The following DPP3 variants were observed in gnomAD, a reference collection of about 807,000 sequenced individuals.
The protein encoded by DPP3 is DPP III.
Under a neutral mutation model 89.8 loss-of-function variants are expected in DPP3, and 64 were observed. The ratio of observed to expected loss-of-function variants is 0.71; its 90% CI spans 0.58 to 0.88. The LOEUF is 0.88. DPP3 is among the 40% of genes least tolerant of loss of function. The pLI, the probability that DPP3 is intolerant of heterozygous loss-of-function variation, is 0.00. For missense variants in DPP3, 835 were observed against 972.5 expected (o/e 0.86, Z 1.88); for synonymous variants, 377 against 404.3 (o/e 0.93, Z 0.81).
At chr11:66,489,538 A>G (rs1855319762) in intron 6 of DPP3, among the ~76,000 whole-genome samples, 1 of 152,200 alleles carries the variant, frequency 6.6e-6, no homozygotes, top group Non-Finnish European at 1.5e-5. Flanking sequence ...TACAAGATGC[A>G]GTTTCGGGCA....
At position 66,492,742 on chromosome 11, in the gene DPP3, A is replaced by G. The variant is rs200660727; in HGVS notation, c.1015A>G (p.Met339Val). 3 of 1,608,392 alleles carry G rather than the reference A, an allele frequency of 1.9e-6. No homozygotes were observed. The highest frequency in any genetic ancestry group is 2.5e-6 in the Non-Finnish European group (3 of 1,177,550). The change falls in exon 10 of 18, where the codon ATG (methionine) becomes GTG (valine). Residue 339 changes from methionine to valine, a missense_variant. By Grantham distance (21) the Met-to-Val change is conservative. Coordinates refer to ENST00000531863, the MANE Select transcript of DPP3 (RefSeq NM_130443.4). ...TTTCGTAGCTGTGGTGAACAAGGCC[A>G]TGAGTGCCAAGTTTGAGCGGCTGGT... ...EGFVAVVNKA[M>V]SAKFERLVAS...
chr11:66,507,982 G>T (rs770419698), intron 17 of DPP3, among the ~76,000 whole-genome samples: 3 of 152,232 alleles, frequency 2.0e-5, no homozygotes, highest in Non-Finnish European at 4.4e-5. Context: ...CAGCCAGGTC[G>T]CTGTAAAAGC....
rs1179636889 is a variant in DPP3 at position 66,495,393 on chromosome 11, C to A, written c.1481C>A (p.Thr494Asn). The A allele has an allele frequency of 6.2e-7, 1 of 1,613,530 alleles. No homozygotes were observed. Among genetic ancestry groups the A allele is most frequent in the South Asian group, 1.1e-5 (1 of 91,044 alleles). Residue 494 changes from threonine to asparagine, a missense_variant, in exon 14 of 18, where the codon ACC becomes AAC. Coordinates refer to ENST00000531863, the MANE Select transcript of DPP3 (RefSeq NM_130443.4). ...CAGAGCTGGTATCGGAGCGGGGAGA[C>A]CTGGGATAGCAAGTTCAGCACCATC... is the stretch of plus-strand genomic sequence containing the variant. ...QIQSWYRSGE[T>N]WDSKFSTIAS...
intron 11 of DPP3, 43 bp from the exon 12 acceptor site, chr11:66,493,498 G>C: frequency 6.2e-7 from 1 of 1,600,904 alleles, no homozygotes; most frequent in Non-Finnish European, 8.5e-7. Context: ...TGTATAGCCA[G>C]GGCTGGCCAG....
chr11:66,508,285 A>G (rs1855853695), intron 17 of DPP3, among the ~76,000 whole-genome samples: 1 of 152,126 alleles, frequency 6.6e-6, no homozygotes, highest in African/African-American at 2.4e-5. Context: ...TAAATCAGTA[A>G]ACAGGTTCGG....
At chr11:66,490,061 C>A (rs1490917827) in intron 6 of DPP3, among the ~76,000 whole-genome samples, 1 of 151,056 alleles carries the variant, frequency 6.6e-6, no homozygotes, top group Non-Finnish European at 1.5e-5. Context: ...CACCTGTAAT[C>A]CCAGCTACTC....
At chr11:66,480,533 C>A in intron 1 of DPP3, 68 bp downstream of exon 1, 1 of 1,440,974 alleles carries the variant, frequency 6.9e-7, no homozygotes, top group Non-Finnish European at 9.1e-7. Flanking sequence ...CGAATCCATA[C>A]TGAGCGCAAA....
chr11:66,505,924 G>C (rs1325808843), intron 17 of DPP3, among the ~76,000 whole-genome samples: 1 of 151,646 alleles, frequency 6.6e-6, no homozygotes, highest in Non-Finnish European at 1.5e-5. Flanking sequence ...TATTTATTTG[G>C]TTTTTGGGTT....
intron 1 of DPP3, 138 bp downstream of exon 1, chr11:66,480,603 C>A (rs899801250): frequency 3.1e-5 from 31 of 1,016,002 alleles, no homozygotes; most frequent in Non-Finnish European, 3.9e-5. Flanking sequence ...CCCTCGAGGC[C>A]AAGGAGTGCT....
In DPP3 at chr11:66,485,271, A is replaced by C. The variant is rs2134719846; in HGVS notation, c.360+9A>C. On this transcript the variant is annotated intron_variant, in intron 3 of 17. Transcript: ENST00000531863. Reference sequence around the variant, plus strand: ...TTCCCAACTTGCCCAAGGTGAGCCAAGGGAGGGTTGGGGAAGGTGGGGATG... The same window carrying C: ...TTCCCAACTTGCCCAAGGTGAGCCACGGGAGGGTTGGGGAAGGTGGGGATG... 1 of 1,583,326 alleles carries C rather than the reference A, an allele frequency of 6.3e-7. No homozygotes were observed. The highest frequency in any genetic ancestry group is 8.6e-7 in the Non-Finnish European group (1 of 1,158,668).
At chr11:66,498,383 G>A (rs956839074) in intron 16 of DPP3, among the ~76,000 whole-genome samples, 11 of 152,026 alleles carry the variant, frequency 7.2e-5, no homozygotes, top group East Asian at 3.9e-4. Flanking sequence ...GTGAGCCACC[G>A]GGCCTGGCCT....
rs779406136 is a variant in DPP3, at chr11:66,493,196, G to A, written c.1296+17G>A. On this transcript the variant is annotated intron_variant, in intron 11 of 17. Transcript: ENST00000531863. ...GATGACAAGGTGGGCGCCAGCAGTC[G>A]GAGGGTCGGGGCTGGGCCTCACCTT... 5.6e-6 allele frequency: 9 copies of A among 1,606,922 alleles called. No homozygotes were observed. Among genetic ancestry groups the A allele is most frequent in the South Asian group, 1.1e-5 (1 of 90,414 alleles).
In DPP3 at chr11:66,507,103, C is replaced by G. The variant is rs1855820348; in HGVS notation, c.2042-1976C>G. Among the ~76,000 whole-genome samples, 3 of 151,970 alleles carry G rather than the reference C, an allele frequency of 2.0e-5. No individual in the cohort carries two copies. In the South Asian group the frequency reaches 6.2e-4, roughly 32 times the overall value. On this transcript the variant is annotated intron_variant, in intron 17 of 17. Coordinates refer to ENST00000531863, the MANE Select transcript of DPP3 (RefSeq NM_130443.4). Reference sequence around the variant, plus strand: ...TTTGATATGTCCAGCCCTGTGCGAGCCATGGGGGAGCCACTAGGGATCCGG... The same window carrying G: ...TTTGATATGTCCAGCCCTGTGCGAGGCATGGGGGAGCCACTAGGGATCCGG...
At chr11:66,493,700 C>A in intron 12 of DPP3, 67 bp downstream of exon 12, 1 of 1,498,960 alleles carries the variant, frequency 6.7e-7, no homozygotes, top group Non-Finnish European at 9.0e-7. Context: ...CTGCCCTACC[C>A]AGCGGTGAAG....
In DPP3 at chr11:66,482,135, C is replaced by T. The variant is rs1162644474; in HGVS notation, c.-8-58C>T. On this transcript the variant is annotated intron_variant, in intron 1 of 17. Transcript: ENST00000531863. The stretch of plus-strand genomic sequence containing the variant: ...TAAATGAGATCATAAGAGTTCAGAG[C>T]CAGGTATGCAATTGGTATGGGGTAA... 1.9e-6 allele frequency: 3 copies of T among 1,590,240 alleles called. No homozygotes were observed. In the African/African-American group the frequency reaches 4.0e-5, roughly 21 times the overall value.
chr11:66,504,689 CGAGTGCTTCCTCACCCTCAGG>C lies in DPP3; in HGVS notation c.1959_1979del (p.Glu653_Arg659del). ...ATGCAACAGTCACTGATGCGCCCCCCGAGTGCTTCCTCACCCTCAGGGACACGGTGCTGCTGCGTAAGGAAT... is the reference window on the plus strand; with the variant it reads ...ATGCAACAGTCACTGATGCGCCCCCCGACACGGTGCTGCTGCGTAAGGAAT... On this transcript the variant is annotated inframe_deletion, in exon 17 of 18. Coordinates refer to ENST00000531863, the MANE Select transcript of DPP3 (RefSeq NM_130443.4). 1 of 1,613,374 alleles carries C rather than the reference CGAGTGCTTCCTCACCCTCAGG, an allele frequency of 6.2e-7. No individual in the cohort carries two copies. The highest frequency in any genetic ancestry group is 8.5e-7 in the Non-Finnish European group (1 of 1,179,860).
chr11:66,495,164 C>G lies in DPP3; in HGVS notation c.1390-42C>G, dbSNP rs777980297. ...GATTCTGGGGCTGGAGGCCTGGATCCAGTTGGGGGCGCCTTTCCCTCACCC... is the reference window on the plus strand; with the variant it reads ...GATTCTGGGGCTGGAGGCCTGGATCGAGTTGGGGGCGCCTTTCCCTCACCC... On this transcript the variant is annotated intron_variant, in intron 12 of 17. Coordinates refer to ENST00000531863, the MANE Select transcript of DPP3 (RefSeq NM_130443.4). The G allele has an allele frequency of 2.5e-6, 4 of 1,612,012 alleles. No individual in the cohort carries two copies. In the South Asian group the frequency reaches 4.4e-5, roughly 18 times the overall value.
intron 1 of DPP3, among the ~76,000 whole-genome samples, chr11:66,481,500 T>C (rs1426968025): frequency 6.6e-6 from 1 of 151,468 alleles, no homozygotes; most frequent in African/African-American, 2.4e-5. Context: ...AAAAAAATAA[T>C]ACTGAACAAG....
chr11:66,484,768 C>T lies in DPP3; in HGVS notation c.271-405C>T, dbSNP rs376422952. On this transcript the variant is annotated intron_variant, in intron 2 of 17. Coordinates refer to ENST00000531863, the MANE Select transcript of DPP3 (RefSeq NM_130443.4). ...AATAGACAGATGATTAAGGCCTCTCCGGCTCTAACATGTGATGCTTCCAAG... is the reference window on the plus strand; with the variant it reads ...AATAGACAGATGATTAAGGCCTCTCTGGCTCTAACATGTGATGCTTCCAAG... Among the ~76,000 whole-genome samples the T allele has an allele frequency of 9.2e-5, 14 of 151,556 alleles. No individual in the cohort carries two copies. The South Asian group carries it at 2.3e-3, about 25-fold the overall frequency.
Sources: gnomAD v4.1 joint callset for allele counts (sites outside exome capture counted in the v4.1 genomes callset) on GRCh38, gnomAD v4.1.1 for gene constraint, MANE v1.5 for transcripts, NCBI Gene and HGNC (gene_info 2026-07-23, HGNC 2026-07-21) for gene names.